Variants in CROCC observed in about 807,000 individuals in gnomAD.
CROCC encodes the protein rootletin.
CROCC carries 180 observed loss-of-function variants against 245.2 expected under a neutral mutation model. The observed-to-expected ratio is 0.73, with a 90% CI of 0.65 to 0.83. CROCC has a LOEUF of 0.83. Among genes scored for constraint, CROCC ranks in the 40% least tolerant of loss-of-function variants. CROCC has a pLI of 0.00. For missense variants in CROCC, 2,688 were observed against 2,779.4 expected (o/e 0.97, Z 0.74); for synonymous variants, 1,205 against 1,241.6 (o/e 0.97, Z 0.62).
At chr1:16,928,717 C>G (rs1484822660) in intron 3 of CROCC, among the ~76,000 whole-genome samples, 3 of 151,864 alleles carry the variant, frequency 2.0e-5, no homozygotes, top group Non-Finnish European at 2.9e-5. Context: ...GCAGGAGAAT[C>G]ATTTGAACCC....
intron 21 of CROCC, chr1:16,953,857 CCT>C (rs2076205746): frequency 4.5e-6 from 1 of 223,766 alleles, no homozygotes; most frequent in Non-Finnish European, 7.8e-6. Flanking sequence ...CCCTAACTTT[CCT>C]ATAATGTAAC....
At chr1:16,914,215 C>A (rs562746106) in intron 1 of CROCC, among the ~76,000 whole-genome samples, 222 of 151,996 alleles carry the variant, frequency 1.5e-3, no homozygotes, top group African/African-American at 5.1e-3. Flanking sequence ...CGCCTGGGGG[C>A]GGGCTGGAGC....
rs748902435 is a variant in CROCC, at chr1:16,944,168, G to A, written c.1877G>A (p.Arg626Gln). ...CAGGCCGAGGAGCTGCGGCAGGAGC[G>A]GGAGAAGCTGCAGGCTGCCCAGGAG... ...QQQAEELRQE[R>Q]EKLQAAQEEL... Residue 626 changes from arginine (R) to glutamine (Q), a missense_variant, in exon 14 of 37, where the codon CGG becomes CAG. Physicochemically the swap from Arg to Gln is conservative, Grantham distance 43. Around this residue, in one of 9 missense-constraint regions of CROCC, gnomAD observed 972 missense variants for 895.3 expected, o/e 1.09. Coordinates refer to ENST00000375541, the MANE Select transcript of CROCC (RefSeq NM_014675.5). The A allele has an allele frequency of 2.4e-5, 38 of 1,555,928 alleles. No individual in the cohort carries two copies. The highest frequency in any genetic ancestry group is 3.6e-4 in the Middle Eastern group (2 of 5,606).
Position 16,970,666 on chromosome 1 carries a change from G to A in CROCC, c.5683G>A (p.Asp1895Asn). The A allele has an allele frequency of 1.3e-6, 2 of 1,582,970 alleles. No homozygotes were observed. Among genetic ancestry groups the A allele is most frequent in the African/African-American group, 2.7e-5 (2 of 73,970 alleles). Residue 1895 changes from aspartate to asparagine, a missense_variant, in exon 35 of 37, where the codon GAC becomes AAC. By Grantham distance (23) the Asp-to-Asn change is conservative (BLOSUM62 1). Transcript: ENST00000375541. ...GCGGGAGAAGCTTCGTAGCCATGAG[G>A]ACACAGTGCGGCTGAGCGCAGAGAA... ...VEREKLRSHE[D>N]TVRLSAEKGR...
Position 16,938,417 on chromosome 1 carries a change from G to A in CROCC, c.1308G>A (p.Gln436=). The A allele has an allele frequency of 1.9e-6, 3 of 1,572,288 alleles. No homozygotes were observed. In the African/African-American group the frequency reaches 4.0e-5, roughly 21 times the overall value. The part of the protein sequence containing the change: ...KLEALESLRL[Q]EQAALETEDG... ...CACTCCAGGAATCCCTGCGGCTACAGGAGCAGGCGGCCCTGGAGACAGAGG... is the reference window on the plus strand; with the variant it reads ...CACTCCAGGAATCCCTGCGGCTACAAGAGCAGGCGGCCCTGGAGACAGAGG... Residue 436 remains glutamine, a synonymous_variant, in exon 11 of 37, where the codon CAG becomes CAA. Transcript: ENST00000375541.
At chr1:16,921,232 C>A (rs1440198374), upstream of CROCC, among the ~76,000 whole-genome samples, 1 of 152,254 alleles carries the variant, frequency 6.6e-6, no homozygotes, top group Non-Finnish European at 1.5e-5. Flanking sequence ...CTCAGAGAGG[C>A]AAAGTCAGTG....
chr1:16,966,582 G>A lies in CROCC; in HGVS notation c.4860+11G>A. 1 of 1,467,436 alleles carries A rather than the reference G, an allele frequency of 6.8e-7. No homozygotes were observed. The highest frequency in any genetic ancestry group is 9.0e-7 in the Non-Finnish European group (1 of 1,111,668). The allele number at this position is 1,467,436 out of a possible 1,614,324, so 90.9% of individuals were successfully genotyped here. ...CTCCGGGCCAGCCAGGTGGGCAGGA[G>A]CTGAGGGCCAGCGGGGCGACGGGGA... is the stretch of plus-strand genomic sequence containing the variant. On this transcript the variant is annotated intron_variant, in intron 30 of 36. Coordinates refer to ENST00000375541, the MANE Select transcript of CROCC (RefSeq NM_014675.5). This position sits in a 1 kb window ranked among gnomAD's most constrained non-coding sequence, Gnocchi z 4.8.
chr1:16,925,401 G>T (rs1251543201), intron 3 of CROCC, among the ~76,000 whole-genome samples: 2 of 152,276 alleles, frequency 1.3e-5, no homozygotes, highest in Non-Finnish European at 2.9e-5. Context: ...CATGCTGGGG[G>T]CACACAGCCA....
intron 30 of CROCC, among the ~76,000 whole-genome samples, chr1:16,967,442 T>G (rs1402784003): frequency 5.9e-5 from 9 of 152,256 alleles, no homozygotes; most frequent in Non-Finnish European, 8.8e-5. Flanking sequence ...TGGATTGTTG[T>G]GTCTGCGGCT....
upstream of CROCC, among the ~76,000 whole-genome samples, chr1:16,918,965 G>A (rs570997242): frequency 6.8e-4 from 103 of 152,334 alleles, no homozygotes; most frequent in African/African-American, 2.2e-3. Flanking sequence ...TAGAATTCCT[G>A]ACCTCAAGTG....
At position 16,955,426 on chromosome 1, in the gene CROCC, C is replaced by T; in HGVS notation, c.3580C>T (p.Gln1194Ter). 6.2e-7 allele frequency: 1 copy of T among 1,600,736 alleles called. No homozygotes were observed. The highest frequency in any genetic ancestry group is 8.5e-7 in the Non-Finnish European group (1 of 1,176,968). ...LRESQEGREVQRQEAGELRRS... is the reference protein window; with the variant it reads ...LRESQEGREV Reference sequence around the variant, plus strand: ...TGAGAGCCAGGAGGGCCGGGAGGTGCAGCGCCAGGAGGCAGGCGAGCTGCG... The same window carrying T: ...TGAGAGCCAGGAGGGCCGGGAGGTGTAGCGCCAGGAGGCAGGCGAGCTGCG... The change falls in exon 24 of 37, where the codon CAG becomes TAG. Residue 1194 changes from glutamine to a stop codon, truncating the protein, a stop_gained. Coordinates refer to ENST00000375541, the MANE Select transcript of CROCC (RefSeq NM_014675.5). LOFTEE classifies it high-confidence loss of function.
At chr1:16,918,626 G>A (rs1346412005), upstream of CROCC, among the ~76,000 whole-genome samples, 1 of 152,246 alleles carries the variant, frequency 6.6e-6, no homozygotes, top group African/African-American at 2.4e-5. Context: ...TGTTCTGGTG[G>A]GCAGGTGTGC....
At chr1:16,940,529 G>T (rs2075906781) in intron 13 of CROCC, among the ~76,000 whole-genome samples, 2 of 152,304 alleles carry the variant, frequency 1.3e-5, no homozygotes, top group Middle Eastern at 3.4e-3. Context: ...TGGGATTATA[G>T]GTGCCCACCA....
At position 16,940,342 on chromosome 1, in the gene CROCC, G is replaced by A. The variant is rs192270825; in HGVS notation, c.1808+249G>A. The stretch of plus-strand genomic sequence containing the variant: ...GGGTTCACGCCATTCTCCTGCCTCA[G>A]CCTCCCGAGTATCTGGGACTACAGG... On this transcript the variant is annotated intron_variant, in intron 13 of 36. Coordinates refer to ENST00000375541, the MANE Select transcript of CROCC (RefSeq NM_014675.5). Among the ~76,000 whole-genome samples the A allele has an allele frequency of 4.9e-3, 737 of 150,946 alleles. 1 individual carries two copies. The highest frequency in any genetic ancestry group is 0.017 in the African/African-American group (697 of 40,942).
intron 27 of CROCC, among the ~76,000 whole-genome samples, chr1:16,963,737 C>T (rs1472136450): frequency 3.3e-5 from 5 of 152,030 alleles, no homozygotes; most frequent in Admixed American, 2.6e-4. Context: ...GGGAGTCGGG[C>T]TGCCTGGATT....
rs2076223050 is a variant in CROCC at position 16,954,845 on chromosome 1, C to T, written c.3433C>T (p.Leu1145=). Residue 1145 remains leucine, a synonymous_variant, in exon 23 of 37, where the codon CTG becomes TTG. Transcript: ENST00000375541. The surrounding 1 kb of genome is among the most constrained non-coding windows in gnomAD (Gnocchi z 4.4). ...VRRLQEQARD[L]GKQRDSCLRE... ...GAGGCTGCAAGAGCAGGCCCGAGAC[C>T]TGGGCAAGCAGCGGGACTCCTGTCT... 2 of 1,544,050 alleles carry T rather than the reference C, an allele frequency of 1.3e-6. No homozygotes were observed. Among genetic ancestry groups the T allele is most frequent in the Non-Finnish European group, 1.8e-6 (2 of 1,141,150 alleles).
rs778159773 is a variant in CROCC at position 16,955,423 on chromosome 1, G to A, written c.3577G>A (p.Val1193Met). ...GCGTGAGAGCCAGGAGGGCCGGGAG[G>A]TGCAGCGCCAGGAGGCAGGCGAGCT... is the stretch of plus-strand genomic sequence containing the variant. The part of the protein sequence containing the change: ...KLRESQEGRE[V>M]QRQEAGELRR... The change falls in exon 24 of 37, where the codon GTG (valine) becomes ATG (methionine). Residue 1193 changes from valine to methionine, a missense_variant. Physicochemically the swap from Val to Met is conservative, Grantham distance 21. This residue lies in a region of CROCC where 1,218 missense variants were observed against 1,286.3 expected (regional missense o/e 0.95). Coordinates refer to ENST00000375541, the MANE Select transcript of CROCC (RefSeq NM_014675.5). 8.5e-5 allele frequency: 136 copies of A among 1,601,468 alleles called. No homozygotes were observed. Among genetic ancestry groups the A allele is most frequent in the Non-Finnish European group, 1.1e-4 (133 of 1,177,390 alleles).
chr1:16,919,251 G>A (rs1326539873), upstream of CROCC, among the ~76,000 whole-genome samples: 10 of 152,270 alleles, frequency 6.6e-5, no homozygotes, highest in African/African-American at 1.7e-4. Context: ...CAAATGCCTC[G>A]GCCTTGCCCT....
Position 16,966,238 on chromosome 1 carries a change from C to T in CROCC, c.4696+119C>T. The T allele has an allele frequency of 6.8e-7, 1 of 1,467,108 alleles. No individual in the cohort carries two copies. Among genetic ancestry groups the T allele is most frequent in the African/African-American group, 1.4e-5 (1 of 71,584 alleles). 90.9% of individuals were successfully genotyped at this position (1,467,108 alleles called of 1,614,324 possible). A position where few individuals can be genotyped will look rare whatever the true frequency, so the allele number is the denominator to read the frequency against. On this transcript the variant is annotated intron_variant, in intron 29 of 36. Coordinates refer to ENST00000375541, the MANE Select transcript of CROCC (RefSeq NM_014675.5). The surrounding 1 kb of genome is among the most constrained non-coding windows in gnomAD (Gnocchi z 4.8). ...CCCATGACCTGACTCGGGGCTGTCT[C>T]CAAGAGGACCCTCCTTGGACAGCCT... is the stretch of plus-strand genomic sequence containing the variant.
Sources: gnomAD v4.1 joint callset for allele counts (sites outside exome capture counted in the v4.1 genomes callset) on GRCh38, gnomAD v4.1.1 for gene constraint, gnomAD v4.1.1 regional missense constraint, Gnocchi (gnomAD v3.1) non-coding constraint, MANE v1.5 for transcripts, NCBI Gene and HGNC (gene_info 2026-07-23, HGNC 2026-07-21) for gene names.